SSC5D: variants seen among roughly 807,000 people sequenced by gnomAD.
The protein encoded by SSC5D is scavenger receptor cysteine rich family member with 5 domains.
In SSC5D, 106 loss-of-function variants were observed where a neutral mutation model predicts 104.6. The observed-to-expected ratio is 1.01, with a 90% CI of 0.87 to 1.19. The LOEUF (loss-of-function observed/expected upper bound fraction) is 1.19. Ranked by LOEUF, SSC5D falls within the 50% of genes most tolerant of loss-of-function variation. SSC5D has a pLI of 0.00. For missense variants in SSC5D, 1,993 were observed against 2,153.8 expected, an observed-to-expected ratio of 0.93 and a Z score of 1.48; for synonymous variants, 860 against 883.5, an observed-to-expected ratio of 0.97 and a Z score of 0.47.
chr19:55,516,054 G>A (rs937873262), intron 13 of SSC5D, among the ~76,000 whole-genome samples: 2 of 152,146 alleles, frequency 1.3e-5, no homozygotes, highest in Admixed American at 6.5e-5. Context: ...AGCCCCAGAA[G>A]AGGGTCAGGC....
chr19:55,489,000 T>G lies in SSC5D; in HGVS notation c.26-6T>G. ...ACACTGCCCCACCCTCCGCCCTCCC[T>G]TCCAGCGGCCCTGGTGGGGATCCAG... On this transcript the variant is annotated splice_region_variant and splice_polypyrimidine_tract_variant and intron_variant, in intron 1 of 13. Coordinates refer to ENST00000389623, the MANE Select transcript of SSC5D (RefSeq NM_001144950.2). 1 of 1,366,516 alleles carries G rather than the reference T, an allele frequency of 7.3e-7. No individual in the cohort carries two copies. The highest frequency in any genetic ancestry group is 9.5e-7 in the Non-Finnish European group (1 of 1,048,786). The allele number at this position is 1,366,516 out of a possible 1,614,324, so 84.6% of individuals were successfully genotyped here.
At position 55,500,117 on chromosome 19, in the gene SSC5D, C is replaced by T. The variant is rs371020931; in HGVS notation, c.2007C>T (p.Thr669=). ...CCTCACAGACCACTGCAGCACTGAC[C>T]ACTGAGGCCTCCCGAAGACCTACCT... is the stretch of plus-strand genomic sequence containing the variant. ...DLTSQTTAAL[T]TEASRRPTSE... The change falls in exon 10 of 14, where the codon ACC becomes ACT. Residue 669 remains threonine, a synonymous_variant. Transcript: ENST00000389623. This position sits in a 1 kb window ranked among gnomAD's most constrained non-coding sequence, Gnocchi z 4.6. 4 of 1,551,544 alleles carry T rather than the reference C, an allele frequency of 2.6e-6. No homozygotes were observed. The African/African-American group carries it at 4.1e-5, about 16-fold the overall frequency.
intron 12 of SSC5D, among the ~76,000 whole-genome samples, chr19:55,506,836 AGCAGGGGAAGGG>A (rs1283098358): frequency 6.6e-6 from 1 of 152,034 alleles, no homozygotes; most frequent in African/African-American, 2.4e-5. Flanking sequence ...TAGGGAGCAA[AGCAGGGGAAGGG>A]GCAGGGGAGA....
chr19:55,490,435 C>CCCCAGCAA, intron 5 of SSC5D, 27 bp downstream of exon 5: 1 of 729,188 alleles, frequency 1.4e-6, no homozygotes. Flanking sequence ...CTCCCCCGAC[C>CCCCAGCAA]CCAAGGCTGG....
At chr19:55,492,426 G>A (rs1045298634) in intron 6 of SSC5D, 1 of 152,194 alleles carries the variant, frequency 6.6e-6, no homozygotes, top group Non-Finnish European at 1.5e-5. Flanking sequence ...GAGTTCATTG[G>A]AGGGAAGTTG....
chr19:55,514,993 C>T (rs148342721), intron 13 of SSC5D, among the ~76,000 whole-genome samples: 2,798 of 152,264 alleles, frequency 0.018, 36 homozygotes, highest in Non-Finnish European at 0.03. Flanking sequence ...TTTACTTAAC[C>T]GCTTCTCCAA....
chr19:55,490,701 T>G lies in SSC5D; in HGVS notation c.587-71T>G, dbSNP rs1323379562. The stretch of plus-strand genomic sequence containing the variant: ...GCTCCCTCAGGCCTGTTTCCCCAGG[T>G]GGAAATCGAGGAAGGGGTGTTTGAA... On this transcript the variant is annotated intron_variant, in intron 5 of 13. Transcript: ENST00000389623. 2.1e-6 allele frequency: 3 copies of G among 1,418,422 alleles called. No homozygotes were observed. The African/African-American group carries it at 4.3e-5, about 21-fold the overall frequency. The allele number at this position is 1,418,422 out of a possible 1,614,324, so 87.9% of individuals were successfully genotyped here.
intron 12 of SSC5D, among the ~76,000 whole-genome samples, chr19:55,512,748 G>T (rs1429240983): frequency 6.6e-6 from 1 of 152,186 alleles, no homozygotes; most frequent in East Asian, 1.9e-4. Flanking sequence ...CTCCCAAAGT[G>T]CTGGGATTAC....
rs767904341 is a variant in SSC5D, at chr19:55,490,282, C to T, written c.476-16C>T. ...GAGGGGCTCAGCTCCTGACCCCTGGCTGTCTCCACTCCCAGCCCCCCGCCC... is the reference window on the plus strand; with the variant it reads ...GAGGGGCTCAGCTCCTGACCCCTGGTTGTCTCCACTCCCAGCCCCCCGCCC... On this transcript the variant is annotated splice_polypyrimidine_tract_variant and intron_variant, in intron 4 of 13. Coordinates refer to ENST00000389623, the MANE Select transcript of SSC5D (RefSeq NM_001144950.2). 25 of 784,674 alleles carry T rather than the reference C, an allele frequency of 3.2e-5. No homozygotes were observed. The highest frequency in any genetic ancestry group is 5.5e-5 in the Non-Finnish European group (25 of 456,768). 48.6% of individuals were successfully genotyped at this position (784,674 alleles called of 1,614,324 possible).
In SSC5D at chr19:55,517,591, G is replaced by A. The variant is rs551204773; in HGVS notation, c.3315G>A (p.Pro1105=). 5.8e-6 allele frequency: 9 copies of A among 1,551,286 alleles called. No homozygotes were observed. Among genetic ancestry groups the A allele is most frequent in the South Asian group, 2.4e-5 (2 of 84,044 alleles). ...AGCTGACCTCTGACCCTTCTACACC[G>A]TCGGAGGTGACCAGCCTTTCCCCTA... The part of the protein sequence containing the change: ...PKELTSDPST[P]SEVTSLSPTS... Residue 1105 remains proline (P), a synonymous_variant, in exon 14 of 14, where the codon CCG becomes CCA. Coordinates refer to ENST00000389623, the MANE Select transcript of SSC5D (RefSeq NM_001144950.2).
At chr19:55,505,668 T>C (rs751963375) in intron 12 of SSC5D, among the ~76,000 whole-genome samples, 4 of 151,704 alleles carry the variant, frequency 2.6e-5, no homozygotes, top group Non-Finnish European at 4.4e-5. Context: ...GCCAGCAACA[T>C]TGCATCTCTC....
chr19:55,495,235 T>TATATATATATATATATATATATATATA (rs35787509), intron 8 of SSC5D, among the ~76,000 whole-genome samples: 1 of 27,586 alleles, frequency 3.6e-5, no homozygotes, highest in African/African-American at 1.5e-4. Flanking sequence ...ATATATATAT[T>TATATATATATATATATATATATATATA]TTTTTTTTTT....
chr19:55,518,929 C>A lies in SSC5D; in HGVS notation c.4653C>A (p.Thr1551=). The A allele has an allele frequency of 6.5e-7, 1 of 1,550,376 alleles. No homozygotes were observed. The highest frequency in any genetic ancestry group is 1.2e-5 in the South Asian group (1 of 84,066). Residue 1551 remains threonine, a synonymous_variant, in exon 14 of 14, where the codon ACC becomes ACA. Coordinates refer to ENST00000389623, the MANE Select transcript of SSC5D (RefSeq NM_001144950.2). ...AGAGACTGGCAGAGATGGCCTGGAC[C>A]ACCAGCATGCCTGCACCAACCACCA... The part of the protein sequence containing the change: ...AVKRLAEMAW[T]TSMPAPTTTT...
In SSC5D at chr19:55,489,106, C is replaced by T. The variant is rs544846360; in HGVS notation, c.52+74C>T. 1,619 of 953,104 alleles carry T rather than the reference C, an allele frequency of 1.7e-3. 10 individuals are homozygous for T. In the Middle Eastern group the frequency reaches 0.018, roughly 10 times the overall value. 59.0% of individuals were successfully genotyped at this position (953,104 alleles called of 1,614,324 possible). A position where few individuals can be genotyped will look rare whatever the true frequency, so the allele number is the denominator to read the frequency against. On this transcript the variant is annotated intron_variant, in intron 2 of 13. Coordinates refer to ENST00000389623, the MANE Select transcript of SSC5D (RefSeq NM_001144950.2). ...CCCCTTCTGCCCATCCAGGCCTGGC[C>T]TCACCCCCACTGGGTCCCCGGCCCA...
At chr19:55,490,468 G>T (rs966378189) in intron 5 of SSC5D, 60 bp downstream of exon 5, 8 of 649,182 alleles carry the variant, frequency 1.2e-5, no homozygotes, top group Non-Finnish European at 2.1e-5. Flanking sequence ...CCAGGGCCCA[G>T]AAAAACTGAG....
rs1360393941 is a variant in SSC5D, at chr19:55,489,868, C to T, written c.362-14C>T. 4 of 1,541,582 alleles carry T rather than the reference C, an allele frequency of 2.6e-6. No homozygotes were observed. Among genetic ancestry groups the T allele is most frequent in the Admixed American group, 2.0e-5 (1 of 50,964 alleles). ...CCTCTCCTCATAGCTTCTGTCCCTGCCCCCCCGCCGCAGGTCAGCGTGTGG... is the reference window on the plus strand; with the variant it reads ...CCTCTCCTCATAGCTTCTGTCCCTGTCCCCCCGCCGCAGGTCAGCGTGTGG... On this transcript the variant is annotated splice_polypyrimidine_tract_variant and intron_variant, in intron 3 of 13. Coordinates refer to ENST00000389623, the MANE Select transcript of SSC5D (RefSeq NM_001144950.2).
chr19:55,497,741 TG>T, intron 8 of SSC5D, 138 bp from the exon 9 acceptor site: 1 of 842,904 alleles, frequency 1.2e-6, no homozygotes, highest in Non-Finnish European at 1.8e-6. Context: ...ACTTGCTGCC[TG>T]GAGGAAAGGA....
intron 13 of SSC5D, among the ~76,000 whole-genome samples, chr19:55,516,921 C>T (rs1987883669): frequency 6.6e-6 from 1 of 152,034 alleles, no homozygotes; most frequent in Non-Finnish European, 1.5e-5. Flanking sequence ...CCCCAGCACC[C>T]CACGCATCCC....
chr19:55,516,729 C>G (rs1987879559), intron 13 of SSC5D, among the ~76,000 whole-genome samples: 1 of 151,288 alleles, frequency 6.6e-6, no homozygotes, highest in African/African-American at 2.4e-5. Context: ...GGCGACACAG[C>G]CAGACTTTAT....
Sources: allele counts gnomAD v4.1 joint callset (sites outside exome capture counted in the v4.1 genomes callset), GRCh38; gene constraint gnomAD v4.1.1; non-coding constraint Gnocchi (gnomAD v3.1); transcripts MANE v1.5; gene names NCBI Gene and HGNC (gene_info 2026-07-23, HGNC 2026-07-21).